TENM1: variants seen among roughly 807,000 people sequenced by gnomAD.
TENM1 encodes the protein teneurin-1.
In TENM1, 35 loss-of-function variants were observed where a neutral mutation model predicts 174.8. The observed-to-expected ratio is 0.20, with a 90% CI of 0.15 to 0.27. The LOEUF is 0.27. Among genes scored for constraint, TENM1 ranks in the 10% least tolerant of loss-of-function variants. The pLI is 1.00. For missense variants in TENM1, 1,633 were observed against 2,130.1 expected, an observed-to-expected ratio of 0.77 and a Z score of 4.59; for synonymous variants, 781 against 798.7, an observed-to-expected ratio of 0.98 and a Z score of 0.37.
At chrX:125,104,680 C>T in the TENM1 span, among the ~76,000 whole-genome samples, 1 of 110,410 alleles carries the variant, frequency 9.1e-6, no homozygotes, top group East Asian at 2.8e-4. Context: ...TTAATATCAG[C>T]ATACAGAATA....
chrX:125,017,539 T>C, the TENM1 span, among the ~76,000 whole-genome samples: 559 of 111,641 alleles, frequency 5.0e-3, 2 homozygotes, highest in South Asian at 0.033. Context: ...CCCAAAGGAT[T>C]ATAATTCATT....
At chrX:125,025,759 A>C in the TENM1 span, among the ~76,000 whole-genome samples, 13 of 111,759 alleles carry the variant, frequency 1.2e-4, no homozygotes, top group Non-Finnish European at 2.1e-4. Flanking sequence ...TAAGAAATCA[A>C]CACTAAAATG....
intron 3 of TENM1, among the ~76,000 whole-genome samples, chrX:124,889,661 T>C (rs12389685): frequency 0.046 from 5,068 of 110,858 alleles, 266 homozygotes; most frequent in African/African-American, 0.16. Context: ...GGTATATATA[T>C]TTATGGGGTA....
At chrX:124,671,734 T>C in exon 6 of TENM1, 2 of 1,210,490 alleles carry the variant, frequency 1.7e-6, no homozygotes, top group South Asian at 3.5e-5. Flanking sequence ...GAGTAAGTAG[T>C]GTCCATGGAC....
At chrX:124,443,104 G>GTA (rs1376478343) in intron 23 of TENM1, among the ~76,000 whole-genome samples, 3 of 92,265 alleles carry the variant, frequency 3.3e-5, no homozygotes, top group Admixed American at 1.3e-4. Flanking sequence ...GTGTGTGTGT[G>GTA]TGTATTTAAA....
chrX:125,003,124 G>C, the TENM1 span, among the ~76,000 whole-genome samples: 3 of 111,555 alleles, frequency 2.7e-5, no homozygotes, highest in African/African-American at 9.8e-5. Context: ...TATTAGAAAT[G>C]GCCATGGTCT....
At chrX:124,412,553 A>G (rs1359481486) in intron 25 of TENM1, among the ~76,000 whole-genome samples, 1 of 112,701 alleles carries the variant, frequency 8.9e-6, no homozygotes, top group Non-Finnish European at 1.9e-5. Context: ...TAAAGGAAAT[A>G]TGAAAGAGTC....
chrX:124,661,072 T>C (rs1389927713), intron 6 of TENM1, among the ~76,000 whole-genome samples: 3 of 111,791 alleles, frequency 2.7e-5, no homozygotes, highest in East Asian at 5.6e-4. Context: ...TATTGATACA[T>C]TGCTGTATAT....
chrX:124,634,237 C>T (rs181322016), intron 11 of TENM1, among the ~76,000 whole-genome samples: 35 of 111,266 alleles, frequency 3.1e-4, no homozygotes, highest in Admixed American at 2.8e-3. Flanking sequence ...TTTTTTATTG[C>T]CCCATATGAT....
the TENM1 span, among the ~76,000 whole-genome samples, chrX:125,059,579 T>A: frequency 9.0e-6 from 1 of 111,449 alleles, no homozygotes; most frequent in South Asian, 3.8e-4. Flanking sequence ...TACTTTGTAC[T>A]CTGACCGACA....
At chrX:125,036,062 C>G in the TENM1 span, among the ~76,000 whole-genome samples, 1 of 111,589 alleles carries the variant, frequency 9.0e-6, no homozygotes, top group African/African-American at 3.3e-5. Flanking sequence ...TGCACGCTCT[C>G]ACTAACAAAA....
intron 4 of TENM1, among the ~76,000 whole-genome samples, chrX:124,730,493 G>A (rs1443045270): frequency 9.0e-6 from 1 of 110,893 alleles, no homozygotes; most frequent in Non-Finnish European, 1.9e-5. Context: ...GATAATTAAT[G>A]TGCCCAATGT....
intron 4 of TENM1, among the ~76,000 whole-genome samples, chrX:124,718,532 G>A (rs1035008780): frequency 1.8e-5 from 2 of 112,299 alleles, no homozygotes; most frequent in Non-Finnish European, 3.8e-5. Flanking sequence ...GATATGACAA[G>A]TTAATTGGGG....
chrX:125,193,719 C>T, the TENM1 span, among the ~76,000 whole-genome samples: 1 of 111,233 alleles, frequency 9.0e-6, no homozygotes, highest in Non-Finnish European at 1.9e-5. Context: ...CTACCTGCCC[C>T]TACGATTTCA....
the TENM1 span, among the ~76,000 whole-genome samples, chrX:125,130,245 T>C: frequency 9.2e-6 from 1 of 108,837 alleles, no homozygotes; most frequent in Non-Finnish European, 1.9e-5. Flanking sequence ...GTAGAGGCAG[T>C]TTGGATATTT....
At chrX:124,756,840 T>C (rs2054263193) in intron 3 of TENM1, among the ~76,000 whole-genome samples, 2 of 111,675 alleles carry the variant, frequency 1.8e-5, no homozygotes, top group Admixed American at 1.9e-4. Flanking sequence ...TGTCTGAAGG[T>C]TCCTCTGGAA....
chrX:124,386,305 TA>T (rs1405952242), intron 28 of TENM1, among the ~76,000 whole-genome samples: 1 of 110,986 alleles, frequency 9.0e-6, no homozygotes, highest in Non-Finnish European at 1.9e-5. Context: ...TGAAATGTGT[TA>T]TGACAGGGGA....
At chrX:124,752,222 T>C (rs2054092239) in intron 3 of TENM1, among the ~76,000 whole-genome samples, 1 of 110,242 alleles carries the variant, frequency 9.1e-6, no homozygotes, top group Non-Finnish European at 1.9e-5. Context: ...TGGTTTTGAT[T>C]TGCATTTCTC....
upstream of TENM1, chrX:124,963,904 T>C: frequency 2.1e-6 from 1 of 476,673 alleles, no homozygotes; most frequent in South Asian, 3.3e-5. Context: ...TTGGTCCTGA[T>C]AATACCATCA....
Sources: allele counts gnomAD v4.1 joint callset (sites outside exome capture counted in the v4.1 genomes callset), GRCh38; gene constraint gnomAD v4.1.1; transcripts MANE v1.5; gene names NCBI Gene and HGNC (gene_info 2026-07-23, HGNC 2026-07-21).